Variants in WDFY3 observed in about 807,000 individuals in gnomAD.
The protein encoded by WDFY3 is WD repeat and FYVE domain containing 3, also known as WD repeat and FYVE domain-containing protein 3.
WDFY3 carries 66 observed loss-of-function variants against 409.6 expected under a neutral mutation model. That is an observed-to-expected ratio of 0.16 (90% CI 0.13 to 0.20). The LOEUF is 0.20. Among genes scored for constraint, WDFY3 ranks in the 10% least tolerant of loss-of-function variants. The probability of loss-of-function intolerance (pLI) is 1.00; values close to 1 mark genes in which losing one functional copy is unlikely to be tolerated. For missense variants in WDFY3, 3,031 were observed against 4,298.1 expected (o/e 0.71, Z 8.24); for synonymous variants, 1,521 against 1,537.1 (o/e 0.99, Z 0.25).
At chr4:84,674,951 A>G (rs1578087360) in intron 67 of WDFY3, among the ~76,000 whole-genome samples, 2 of 151,044 alleles carry the variant, frequency 1.3e-5, no homozygotes, top group East Asian at 4.0e-4. Flanking sequence ...TATAAAACCC[A>G]TTATGGGTTT....
Position 84,797,193 on chromosome 4 carries a change from T to C in WDFY3, c.2936-441A>G, listed in dbSNP as rs182339048. On this transcript the variant is annotated intron_variant, in intron 18 of 67. Coordinates refer to ENST00000295888, the MANE Select transcript of WDFY3 (RefSeq NM_014991.6). ...TCTTTATTATAAAACAAATTAGAGA[T>C]AAATGGCAGAAACTTGCTTCTCCCA... Among the ~76,000 whole-genome samples the C allele has an allele frequency of 3.1e-3, 476 of 152,294 alleles. 3 individuals are homozygous for C. Among genetic ancestry groups the C allele is most frequent in the African/African-American group, 0.011 (458 of 41,582 alleles).
chr4:84,836,205 T>C (rs1011066848), intron 7 of WDFY3, among the ~76,000 whole-genome samples: 1 of 152,216 alleles, frequency 6.6e-6, no homozygotes, highest in African/African-American at 2.4e-5. Context: ...CTACTTTCTG[T>C]TCCACCTGTA....
rs1322269966 is a variant in WDFY3 at position 84,808,185 on chromosome 4, C to T, written c.2429+149G>A. 4 of 576,162 alleles carry T rather than the reference C, an allele frequency of 6.9e-6. No homozygotes were observed. The South Asian group carries it at 8.4e-5, about 12-fold the overall frequency. 35.7% of individuals were successfully genotyped at this position (576,162 alleles called of 1,614,324 possible). On this transcript the variant is annotated intron_variant, in intron 15 of 67. Transcript: ENST00000295888. ...CTGATATCTTTAAAATCTAAAAACA[C>T]CCCCCAAAACCCCAAAAGTAAAAAC...
At chr4:84,951,651 T>G (rs527747823) in intron 1 of WDFY3, among the ~76,000 whole-genome samples, 1 of 152,316 alleles carries the variant, frequency 6.6e-6, no homozygotes, top group Non-Finnish European at 1.5e-5. Context: ...GATGTGAACG[T>G]AAGCCATGCC....
intron 13 of WDFY3, 115 bp from the exon 14 acceptor site, chr4:84,810,459 A>T (rs2149732857): frequency 1.1e-6 from 1 of 928,696 alleles, no homozygotes; most frequent in East Asian, 2.7e-5. Context: ...TGTTTTTATC[A>T]TTTACCCAAT....
intron 4 of WDFY3, among the ~76,000 whole-genome samples, chr4:84,858,217 C>CA (rs1304730602): frequency 6.6e-6 from 1 of 152,148 alleles, no homozygotes; most frequent in Admixed American, 6.5e-5. Flanking sequence ...ATTTAACCCT[C>CA]ACGACAACCC....
At chr4:84,772,723 T>C in intron 30 of WDFY3, 112 bp downstream of exon 30, 2 of 855,718 alleles carry the variant, frequency 2.3e-6, no homozygotes, top group East Asian at 5.9e-5. Context: ...GGAGAAAAGT[T>C]ATACATATAT....
At chr4:84,695,938 G>A (rs1477606686) in intron 58 of WDFY3, 32 bp downstream of exon 58, 2 of 1,580,366 alleles carry the variant, frequency 1.3e-6, no homozygotes, top group South Asian at 1.1e-5. Flanking sequence ...ATGAAACAGA[G>A]TACATCAATG....
intron 64 of WDFY3, among the ~76,000 whole-genome samples, chr4:84,679,841 TACACACACACAC>T (rs954549793): frequency 4.2e-5 from 6 of 141,262 alleles, no homozygotes; most frequent in Admixed American, 7.1e-5. Context: ...TATATATATA[TACACACACACAC>T]ACACACACAC....
chr4:84,841,267 TA>T lies in WDFY3; in HGVS notation c.305-5del. 3 of 1,609,880 alleles carry T rather than the reference TA, an allele frequency of 1.9e-6. No homozygotes were observed. Among genetic ancestry groups the T allele is most frequent in the Non-Finnish European group, 2.5e-6 (3 of 1,179,128 alleles). On this transcript the variant is annotated splice_region_variant and splice_polypyrimidine_tract_variant and intron_variant, in intron 5 of 67. Transcript: ENST00000295888. ...ACTATGGCCCGACTTGCAGCCTCTATAAAACCAAAGGGAAAGCCATTAAGTG... is the reference window on the plus strand; with the variant it reads ...ACTATGGCCCGACTTGCAGCCTCTATAAACCAAAGGGAAAGCCATTAAGTG...
intron 3 of WDFY3, among the ~76,000 whole-genome samples, chr4:84,878,158 G>A (rs563855181): frequency 8.5e-5 from 13 of 152,192 alleles, no homozygotes; most frequent in African/African-American, 2.9e-4. Flanking sequence ...AGGGGCAGAA[G>A]GAAAAAAATT....
intron 36 of WDFY3, among the ~76,000 whole-genome samples, chr4:84,745,148 A>C (rs1560648164): frequency 6.6e-6 from 1 of 152,328 alleles, no homozygotes; most frequent in South Asian, 2.1e-4. Flanking sequence ...ATAACTTTCC[A>C]GTATCTGATC....
chr4:84,917,080 C>T (rs1579115580), intron 2 of WDFY3, among the ~76,000 whole-genome samples: 2 of 152,078 alleles, frequency 1.3e-5, no homozygotes, highest in South Asian at 2.1e-4. Flanking sequence ...ATATCTTTTT[C>T]GTGTGTGTGT....
At chr4:84,729,468 G>A (rs1736210758) in intron 44 of WDFY3, among the ~76,000 whole-genome samples, 2 of 151,740 alleles carry the variant, frequency 1.3e-5, no homozygotes, top group Non-Finnish European at 2.9e-5. Context: ...TTTTCCATAT[G>A]TACTTAATTT....
At position 84,866,512 on chromosome 4, in the gene WDFY3, G is replaced by T. The variant is rs898803747; in HGVS notation, c.-31-5890C>A. Among the ~76,000 whole-genome samples, 4 of 152,246 alleles carry T rather than the reference G, an allele frequency of 2.6e-5. No individual in the cohort carries two copies. In the South Asian group the frequency reaches 8.3e-4, roughly 31 times the overall value. ...CTTTCCACCACGTCCTAGATGGAAGGGGAAAGTGCCCTGGATGGGCTGTGG... is the reference window on the plus strand; with the variant it reads ...CTTTCCACCACGTCCTAGATGGAAGTGGAAAGTGCCCTGGATGGGCTGTGG... On this transcript the variant is annotated intron_variant, in intron 3 of 67. Transcript: ENST00000295888.
chr4:84,821,607 C>A (rs147348996), intron 10 of WDFY3, 56 bp from the exon 11 acceptor site: 125 of 1,396,208 alleles, frequency 9.0e-5, no homozygotes, highest in Non-Finnish European at 1.2e-4. Context: ...TTAATGATGG[C>A]AAACTAGTCT....
intron 41 of WDFY3, 109 bp from the exon 42 acceptor site, chr4:84,736,436 GCACATATTA>G: frequency 2.9e-6 from 3 of 1,039,272 alleles, no homozygotes; most frequent in Non-Finnish European, 3.9e-6. Context: ...AACAAAAGTA[GCACATATTA>G]CAGATGCAGA....
At chr4:84,790,649 A>C (rs1270369193) in intron 21 of WDFY3, among the ~76,000 whole-genome samples, 1 of 152,250 alleles carries the variant, frequency 6.6e-6, no homozygotes. Context: ...ATAGCAAAGG[A>C]AACAACAGAG....
At chr4:84,911,804 A>G (rs528458964) in intron 2 of WDFY3, among the ~76,000 whole-genome samples, 1 of 152,332 alleles carries the variant, frequency 6.6e-6, no homozygotes, top group South Asian at 2.1e-4. Flanking sequence ...CTATTATAAA[A>G]AGTTAAAATG....
Sources: allele counts gnomAD v4.1 joint callset (sites outside exome capture counted in the v4.1 genomes callset), GRCh38; gene constraint gnomAD v4.1.1; transcripts MANE v1.5; gene names NCBI Gene and HGNC (gene_info 2026-07-23, HGNC 2026-07-21).